The following MAP7D3 variants were observed in gnomAD, a reference collection of about 807,000 sequenced individuals.
MAP7D3 encodes MAP7 domain-containing protein 3.
In MAP7D3, 45 loss-of-function variants were observed where a neutral mutation model predicts 62.2. The ratio of observed to expected loss-of-function variants is 0.72; its 90% confidence interval spans 0.57 to 0.93. MAP7D3 has a LOEUF of 0.93. Ranked by LOEUF, MAP7D3 falls within the 40% of genes least tolerant of loss-of-function variation. The pLI is 0.00. For missense variants in MAP7D3, 711 were observed against 683.1 expected (o/e 1.04, Z -0.45); for synonymous variants, 288 against 248.8 (o/e 1.16, Z -1.48).
upstream of MAP7D3, chrX:136,255,947 T>C (rs1372138336): frequency 2.6e-6 from 1 of 382,835 alleles, no homozygotes; most frequent in South Asian, 1.4e-4. Flanking sequence ...TTTTAAAAAA[T>C]TGAACTTACA....
chrX:136,236,200 T>G lies in MAP7D3; in HGVS notation c.736+44A>C, dbSNP rs774438489. The stretch of plus-strand genomic sequence containing the variant: ...CAATTCAATGTTGACATAAAATACC[T>G]CTTTTAAATCACTATTTAAAATTTG... On this transcript the variant is annotated intron_variant, in intron 7 of 18. Transcript: ENST00000316077. 228 of 798,703 alleles carry G rather than the reference T, an allele frequency of 2.9e-4. No homozygotes were observed. In the South Asian group the frequency reaches 5.7e-3, roughly 20 times the overall value. 65.8% of individuals were successfully genotyped at this position (798,703 alleles called of 1,213,427 possible).
downstream of MAP7D3, among the ~76,000 whole-genome samples, chrX:136,215,704 C>T (rs1402959131): frequency 1.8e-5 from 2 of 112,255 alleles, no homozygotes; most frequent in Non-Finnish European, 3.8e-5. Flanking sequence ...AGGTTGGGGA[C>T]TGCTGGAGTA....
chrX:136,224,261 A>C (rs1185566023), intron 14 of MAP7D3, among the ~76,000 whole-genome samples: 5 of 107,013 alleles, frequency 4.7e-5, no homozygotes, highest in Non-Finnish European at 9.6e-5. Context: ...ATAGCTAGGC[A>C]TGGTGGTGCA....
intron 6 of MAP7D3, among the ~76,000 whole-genome samples, chrX:136,239,205 G>A (rs1290191231): frequency 1.8e-5 from 2 of 111,739 alleles, no homozygotes; most frequent in African/African-American, 6.5e-5. Flanking sequence ...GGCACCATGT[G>A]CTACAAGCCA....
At chrX:136,223,040 CTGTGT>C (rs1340635999) in intron 14 of MAP7D3, among the ~76,000 whole-genome samples, 1 of 110,902 alleles carries the variant, frequency 9.0e-6, no homozygotes, top group Non-Finnish European at 1.9e-5. Context: ...CAAGGTCTCA[CTGTGT>C]TGTTCAGGCT....
chrX:136,225,703 G>A (rs888522474), intron 13 of MAP7D3, among the ~76,000 whole-genome samples: 3 of 112,120 alleles, frequency 2.7e-5, no homozygotes, highest in Non-Finnish European at 5.6e-5. Flanking sequence ...TGGCCACCAA[G>A]GGTCCATGAG....
downstream of MAP7D3, among the ~76,000 whole-genome samples, chrX:136,216,120 T>A (rs936348356): frequency 1.0e-4 from 11 of 110,129 alleles, no homozygotes; most frequent in African/African-American, 3.0e-4. Context: ...ATATTTTTTT[T>A]AAAAAAATCA....
At chrX:136,250,988 G>A (rs958384784) in intron 1 of MAP7D3, among the ~76,000 whole-genome samples, 2 of 111,922 alleles carry the variant, frequency 1.8e-5, no homozygotes, top group South Asian at 7.4e-4. Context: ...CGTCGAAGCA[G>A]AGCCCGTGAG....
rs1195238350 is a variant in MAP7D3, at chrX:136,219,423, T to G, written c.*7A>C. 6.7e-6 allele frequency: 8 copies of G among 1,186,932 alleles called. No homozygotes were observed. Among genetic ancestry groups the G allele is most frequent in the South Asian group, 1.8e-5 (1 of 54,838 alleles). On this transcript the variant is annotated 3_prime_UTR_variant, in exon 18 of 19. Transcript: ENST00000316077. Reference sequence around the variant, plus strand: ...CCAAATGAGGAGAAACAGGTTTGCTTCTTCTCTTATTGTCTAAAGGTGTCT... The same window carrying G: ...CCAAATGAGGAGAAACAGGTTTGCTGCTTCTCTTATTGTCTAAAGGTGTCT...
intron 15 of MAP7D3, chrX:136,221,691 C>T (rs1421661274): frequency 2.7e-5 from 3 of 112,586 alleles, no homozygotes; most frequent in African/African-American, 9.7e-5. Flanking sequence ...CTGAGGGGCT[C>T]TTACTGCTAT....
At chrX:136,225,152 C>A (rs1230248936) in intron 13 of MAP7D3, among the ~76,000 whole-genome samples, 3 of 112,447 alleles carry the variant, frequency 2.7e-5, no homozygotes, top group Non-Finnish European at 5.6e-5. Context: ...TTTGCATATG[C>A]AGAAATTCAT....
chrX:136,218,920 G>A (rs1003798131), intron 18 of MAP7D3, among the ~76,000 whole-genome samples: 17 of 110,389 alleles, frequency 1.5e-4, no homozygotes, highest in African/African-American at 5.3e-4. Flanking sequence ...GCAGGATCTC[G>A]GCTCACTGCA....
At chrX:136,245,645 G>A (rs1016177862) in intron 3 of MAP7D3, among the ~76,000 whole-genome samples, 10 of 110,293 alleles carry the variant, frequency 9.1e-5, no homozygotes, top group African/African-American at 3.3e-4. Flanking sequence ...TACTCGGGAG[G>A]CTGAGGCAGG....
upstream of MAP7D3, chrX:136,255,941 A>T (rs1056109217): frequency 1.7e-5 from 6 of 347,659 alleles, no homozygotes; most frequent in East Asian, 6.3e-4. Context: ...GAAGTTTTTT[A>T]AAAAATTGAA....
intron 6 of MAP7D3, among the ~76,000 whole-genome samples, chrX:136,237,105 C>G (rs1266200603): frequency 8.0e-5 from 9 of 112,702 alleles, no homozygotes. Flanking sequence ...TAGACACTTT[C>G]ATTTCACTTG....
chrX:136,241,249 G>A lies in MAP7D3; in HGVS notation c.446C>T (p.Thr149Ile), dbSNP rs2074386313. 2 of 1,153,345 alleles carry A rather than the reference G, an allele frequency of 1.7e-6. No individual in the cohort carries two copies. Among genetic ancestry groups the A allele is most frequent in the Admixed American group, 2.6e-5 (1 of 38,612 alleles). ...KEKFTAILYRTLERRRLADDY... is the reference protein window; with the variant it reads ...KEKFTAILYRILERRRLADDY... Reference sequence around the variant, plus strand: ...ATCAGCAAGTCTCCTCCGTTCCAAAGTACGATAAAGAATGGCTGTAAATTT... The same window carrying A: ...ATCAGCAAGTCTCCTCCGTTCCAAAATACGATAAAGAATGGCTGTAAATTT... The change falls in exon 5 of 19, where the codon ACT becomes ATT. Residue 149 changes from threonine to isoleucine, a missense_variant. Thr to Ile is a moderately conservative substitution (Grantham distance 89, BLOSUM62 -1). Transcript: ENST00000316077.
Position 136,251,350 on chromosome X carries a change from C to A in MAP7D3, c.9G>T (p.Ala3=), listed in dbSNP as rs1412155200. ...CGCCAGCGCCAGCTGCGGCGCCGTC[C>A]GCCATCATCGGAGTCGGGACCGGAG... is the stretch of plus-strand genomic sequence containing the variant. The part of the protein sequence containing the change: MM[A]DGAAAGAGGS... Residue 3 remains alanine, a synonymous_variant, in exon 1 of 19, where the codon GCG becomes GCT. Transcript: ENST00000316077. 7.1e-6 allele frequency: 8 copies of A among 1,122,444 alleles called. No homozygotes were observed. In the African/African-American group the frequency reaches 9.5e-5, roughly 13 times the overall value. 92.5% of individuals were successfully genotyped at this position (1,122,444 alleles called of 1,213,427 possible). A position where few individuals can be genotyped will look rare whatever the true frequency, so the allele number is the denominator to read the frequency against.
At chrX:136,244,447 G>A (rs2074424734) in intron 4 of MAP7D3, among the ~76,000 whole-genome samples, 185 bp downstream of exon 4, 1 of 111,239 alleles carries the variant, frequency 9.0e-6, no homozygotes, top group Non-Finnish European at 1.9e-5. Context: ...CTCAGCTCCT[G>A]GCATCTTATC....
chrX:136,220,026 AC>A (rs1160864181), intron 16 of MAP7D3, among the ~76,000 whole-genome samples: 1 of 111,646 alleles, frequency 9.0e-6, no homozygotes, highest in Non-Finnish European at 1.9e-5. Flanking sequence ...ACATCATCAC[AC>A]CTCTCAGCAG....
Sources: gnomAD v4.1 joint callset for allele counts (sites outside exome capture counted in the v4.1 genomes callset) on GRCh38, gnomAD v4.1.1 for gene constraint, MANE v1.5 for transcripts, NCBI Gene and HGNC (gene_info 2026-07-23, HGNC 2026-07-21) for gene names.